PDGFB: variants seen among roughly 807,000 people sequenced by gnomAD.
PDGFB encodes platelet-derived growth factor subunit B.
Under a neutral mutation model 29.0 loss-of-function variants are expected in PDGFB, and 6 were observed. That is an observed-to-expected ratio of 0.21 (90% CI 0.11 to 0.41). PDGFB has a LOEUF of 0.41. Among genes scored for constraint, PDGFB ranks in the 10% least tolerant of loss-of-function variants. PDGFB has a pLI of 1.00. For synonymous variants in PDGFB, 144 were observed against 140.8 expected, an observed-to-expected ratio of 1.02 and a Z score of -0.16; for missense variants, 299 against 341.8, an observed-to-expected ratio of 0.87 and a Z score of 0.99.
chr22:39,236,774 A>G (rs540267053), intron 1 of PDGFB, among the ~76,000 whole-genome samples: 1 of 152,248 alleles, frequency 6.6e-6, no homozygotes, highest in South Asian at 2.1e-4. Context: ...GAGAATCACA[A>G]TCCAGACCAC....
At chr22:39,237,186 C>T (rs532665010) in intron 1 of PDGFB, among the ~76,000 whole-genome samples, 34 of 151,570 alleles carry the variant, frequency 2.2e-4, no homozygotes, top group Non-Finnish European at 3.8e-4. Flanking sequence ...GGGCTCTCCC[C>T]GAAAGCTCTG....
At chr22:39,234,057 CAGAGA>C (rs942306147) in intron 2 of PDGFB, among the ~76,000 whole-genome samples, 2 of 139,186 alleles carry the variant, frequency 1.4e-5, no homozygotes, top group African/African-American at 5.5e-5. Context: ...GAGCTGAAGA[CAGAGA>C]AGAGGAGAAG....
intron 5 of PDGFB, among the ~76,000 whole-genome samples, chr22:39,227,761 C>T (rs1932202320): frequency 6.6e-6 from 1 of 152,212 alleles, no homozygotes; most frequent in Admixed American, 6.5e-5. Context: ...GTCTGCTGAG[C>T]TCAAGGCCAG....
rs768936347 is a variant in PDGFB at position 39,243,992 on chromosome 22, C to T, written c.-29G>A. 2.8e-5 allele frequency: 43 copies of T among 1,561,664 alleles called. No homozygotes were observed. Among genetic ancestry groups the T allele is most frequent in the Non-Finnish European group, 3.7e-5 (43 of 1,151,838 alleles). On this transcript the variant is annotated 5_prime_UTR_variant, in exon 1 of 7. Coordinates refer to ENST00000331163, the MANE Select transcript of PDGFB (RefSeq NM_002608.4). This position sits in a 1 kb window ranked among gnomAD's most constrained non-coding sequence, Gnocchi z 6.4. Reference sequence around the variant, plus strand: ...GACTCCGGGCCCGGCCCCGCGGGGCCCCGGACGCGTAGATCGAGCGCGCCG... The same window carrying T: ...GACTCCGGGCCCGGCCCCGCGGGGCTCCGGACGCGTAGATCGAGCGCGCCG...
At chr22:39,233,847 C>A (rs547346267) in intron 2 of PDGFB, among the ~76,000 whole-genome samples, 1 of 152,284 alleles carries the variant, frequency 6.6e-6, no homozygotes, top group South Asian at 2.1e-4. Context: ...CAGGGCGGGG[C>A]CGGGACCTAG....
chr22:39,224,791 G>A lies in PDGFB; in HGVS notation c.*551C>T, dbSNP rs1383944073. On this transcript the variant is annotated 3_prime_UTR_variant, in exon 7 of 7. Coordinates refer to ENST00000331163, the MANE Select transcript of PDGFB (RefSeq NM_002608.4). ...CACAGAGGCACCAGGGAGACGAGGT[G>A]ACTGGTGTTTGGGCACCGTGGGAGG... The A allele has an allele frequency of 2.6e-5, 4 of 152,564 alleles. No homozygotes were observed. The highest frequency in any genetic ancestry group is 3.4e-3 in the Middle Eastern group (1 of 294). The allele number at this position is 152,564 out of a possible 1,614,324, so 9.5% of individuals were successfully genotyped here. A position where few individuals can be genotyped will look rare whatever the true frequency, so the allele number is the denominator to read the frequency against.
intron 2 of PDGFB, among the ~76,000 whole-genome samples, chr22:39,234,980 C>T (rs1036513851): frequency 2.0e-5 from 3 of 152,130 alleles, no homozygotes; most frequent in African/African-American, 7.2e-5. Flanking sequence ...ATAGGTGGGC[C>T]CAGCTGGGGC....
chr22:39,232,530 G>A (rs781225061), intron 3 of PDGFB, among the ~76,000 whole-genome samples: 6 of 151,466 alleles, frequency 4.0e-5, no homozygotes, highest in African/African-American at 1.2e-4. Flanking sequence ...TTGCTCTGTC[G>A]CCAGGCTGGA....
chr22:39,242,868 C>G lies in PDGFB; in HGVS notation c.63+1033G>C, dbSNP rs1206276517. 1 of 232,576 alleles carries G rather than the reference C, an allele frequency of 4.3e-6. No homozygotes were observed. The highest frequency in any genetic ancestry group is 8.5e-6 in the Non-Finnish European group (1 of 117,670). The allele number at this position is 232,576 out of a possible 1,614,324, so 14.4% of individuals were successfully genotyped here. On this transcript the variant is annotated intron_variant, in intron 1 of 6. Transcript: ENST00000331163. The surrounding 1 kb of genome is among the most constrained non-coding windows in gnomAD (Gnocchi z 5.7). ...ACGGTACCCAGTCACGCCGCGCTCC[C>G]GGCTGCCCTCTCCTCCCCTCCACCG...
At chr22:39,234,831 A>G (rs1601599635) in intron 2 of PDGFB, among the ~76,000 whole-genome samples, 1 of 152,244 alleles carries the variant, frequency 6.6e-6, no homozygotes, top group East Asian at 1.9e-4. Context: ...GGGCCGTCTG[A>G]GGGTGGGGGT....
At chr22:39,234,224 A>G (rs1932385670) in intron 2 of PDGFB, among the ~76,000 whole-genome samples, 1 of 152,048 alleles carries the variant, frequency 6.6e-6, no homozygotes, top group Admixed American at 6.5e-5. Flanking sequence ...CTCTGCCCCC[A>G]GCCGTCTGTT....
chr22:39,230,558 G>A (rs1265944017), intron 4 of PDGFB, among the ~76,000 whole-genome samples: 2 of 152,340 alleles, frequency 1.3e-5, no homozygotes, highest in African/African-American at 4.8e-5. Flanking sequence ...TCAGGGCTGC[G>A]GCAGAGGCGG....
chr22:39,240,917 A>G, intron 1 of PDGFB: 1 of 1,398,120 alleles, frequency 7.2e-7, no homozygotes, highest in Non-Finnish European at 9.9e-7. Context: ...TCTCTCTCAG[A>G]TGCGCACACA....
Position 39,243,525 on chromosome 22 carries a change from C to G in PDGFB, c.63+376G>C, listed in dbSNP as rs1932621203. ...ACAGAGCCTAAGCCGAGGCTGGCGC[C>G]GAAGTGGGCTCGGGAGGACGCGCTG... is the stretch of plus-strand genomic sequence containing the variant. On this transcript the variant is annotated intron_variant, in intron 1 of 6. Coordinates refer to ENST00000331163, the MANE Select transcript of PDGFB (RefSeq NM_002608.4). This position sits in a 1 kb window ranked among gnomAD's most constrained non-coding sequence, Gnocchi z 6.4. Among the ~76,000 whole-genome samples, 1 of 152,164 alleles carries G rather than the reference C, an allele frequency of 6.6e-6. No individual in the cohort carries two copies. The highest frequency in any genetic ancestry group is 2.1e-4 in the South Asian group (1 of 4,836).
intron 2 of PDGFB, 24 bp from the exon 3 acceptor site, chr22:39,233,548 C>T (rs758796387): frequency 3.2e-6 from 5 of 1,551,580 alleles, no homozygotes; most frequent in Non-Finnish European, 4.4e-6. Context: ...CACAGTCAGA[C>T]ACCAGGCGGC....
Position 39,223,849 on chromosome 22 carries a change from G to A in PDGFB, c.*1493C>T, listed in dbSNP as rs577783906. 1.6e-4 allele frequency: 25 copies of A among 152,624 alleles called. 1 individual carries two copies. Among genetic ancestry groups the A allele is most frequent in the African/African-American group, 4.6e-4 (19 of 41,584 alleles). 9.5% of individuals were successfully genotyped at this position (152,624 alleles called of 1,614,324 possible). On this transcript the variant is annotated 3_prime_UTR_variant, in exon 7 of 7. Transcript: ENST00000331163. ...CGGGAAGGGGGAAAGTGCAGTAGGT[G>A]GGAAGGGAGGTGGGAGCTCAGATCC...
Position 39,242,833 on chromosome 22 carries a change from C to A in PDGFB, c.63+1068G>T. On this transcript the variant is annotated intron_variant, in intron 1 of 6. Coordinates refer to ENST00000331163, the MANE Select transcript of PDGFB (RefSeq NM_002608.4). This position sits in a 1 kb window ranked among gnomAD's most constrained non-coding sequence, Gnocchi z 5.7. Reference sequence around the variant, plus strand: ...GTGCGGACTCCCGGCCGCAGCCGGGCGGAGGTGGGACGGTACCCAGTCACG... The same window carrying A: ...GTGCGGACTCCCGGCCGCAGCCGGGAGGAGGTGGGACGGTACCCAGTCACG... The A allele has an allele frequency of 4.3e-6, 1 of 232,006 alleles. No individual in the cohort carries two copies. Among genetic ancestry groups the A allele is most frequent in the Non-Finnish European group, 8.5e-6 (1 of 117,182 alleles). The allele number at this position is 232,006 out of a possible 1,614,324, so 14.4% of individuals were successfully genotyped here.
chr22:39,235,924 C>T lies in PDGFB; in HGVS notation c.64-50G>A, dbSNP rs766592786. 15 of 1,262,764 alleles carry T rather than the reference C, an allele frequency of 1.2e-5. 1 individual carries two copies. The South Asian group carries it at 1.8e-4, about 15-fold the overall frequency. 78.2% of individuals were successfully genotyped at this position (1,262,764 alleles called of 1,614,324 possible). On this transcript the variant is annotated intron_variant, in intron 1 of 6. Transcript: ENST00000331163. Reference sequence around the variant, plus strand: ...GAGTGAGCTGGGAGTGGGGGCTTTCCAGCATGGCTGTCTCCCCCACCACAC... The same window carrying T: ...GAGTGAGCTGGGAGTGGGGGCTTTCTAGCATGGCTGTCTCCCCCACCACAC...
chr22:39,229,802 G>A (rs1389159793), intron 5 of PDGFB, among the ~76,000 whole-genome samples: 1 of 152,148 alleles, frequency 6.6e-6, no homozygotes, highest in African/African-American at 2.4e-5. Flanking sequence ...AAAGCCTTGA[G>A]GCAGAAACTC....
Sources: allele counts gnomAD v4.1 joint callset (sites outside exome capture counted in the v4.1 genomes callset), GRCh38; gene constraint gnomAD v4.1.1; non-coding constraint Gnocchi (gnomAD v3.1); transcripts MANE v1.5; gene names NCBI Gene and HGNC (gene_info 2026-07-23, HGNC 2026-07-21).